RNF115: variants seen among roughly 807,000 people sequenced by gnomAD.
RNF115 encodes E3 ubiquitin-protein ligase RNF115.
RNF115 carries 31 observed loss-of-function variants against 39.2 expected under a neutral mutation model. That is an observed-to-expected ratio of 0.79 (90% confidence interval 0.59 to 1.07). The LOEUF is 1.07. Ranked by LOEUF, RNF115 falls within the 50% of genes least tolerant of loss-of-function variation. The probability of loss-of-function intolerance (pLI) is 0.00; values close to 1 mark genes in which losing one functional copy is unlikely to be tolerated. For missense variants in RNF115, 384 were observed against 381.7 expected (o/e 1.01, Z -0.05); for synonymous variants, 124 against 131.0 (o/e 0.95, Z 0.37).
rs1657883407 is a variant in RNF115 at position 145,746,448 on chromosome 1, T to C, written c.*418A>G. The stretch of plus-strand genomic sequence containing the variant: ...ACAATTAAGACAAAAGGACTTTATA[T>C]CAGCAGGACTTTAGGGCTGTGGTTC... On this transcript the variant is annotated 3_prime_UTR_variant, in exon 9 of 9. Coordinates refer to ENST00000582693, the MANE Select transcript of RNF115 (RefSeq NM_014455.4). 1 of 153,334 alleles carries C rather than the reference T, an allele frequency of 6.5e-6. No individual in the cohort carries two copies. Among genetic ancestry groups the C allele is most frequent in the Admixed American group, 6.6e-5 (1 of 15,260 alleles). The allele number at this position is 153,334 out of a possible 1,614,324, so 9.5% of individuals were successfully genotyped here. A position where few individuals can be genotyped will look rare whatever the true frequency, so the allele number is the denominator to read the frequency against.
In RNF115 at chr1:145,744,805, C is replaced by A. The variant is rs147881493; in HGVS notation, c.*2061G>T. 1.3e-5 allele frequency: 2 copies of A among 152,230 alleles called. No homozygotes were observed. Among genetic ancestry groups the A allele is most frequent in the African/African-American group, 4.8e-5 (2 of 41,516 alleles). 9.4% of individuals were successfully genotyped at this position (152,230 alleles called of 1,614,324 possible). ...GGTACACCAACAGTTGTTCTATGTC[C>A]CCATCATTTCCTTTTGAGACCTTGA... is the stretch of plus-strand genomic sequence containing the variant. On this transcript the variant is annotated 3_prime_UTR_variant, in exon 9 of 9. Transcript: ENST00000582693.
intron 4 of RNF115, among the ~76,000 whole-genome samples, chr1:145,764,105 T>G (rs1467145571): frequency 5.9e-5 from 9 of 152,178 alleles, no homozygotes; most frequent in Non-Finnish European, 1.2e-4. Context: ...TGGTGGAGAC[T>G]GGGTTTCGCT....
intron 1 of RNF115, among the ~76,000 whole-genome samples, chr1:145,794,239 A>T (rs1266040444): frequency 2.6e-5 from 4 of 152,236 alleles, no homozygotes; most frequent in African/African-American, 9.6e-5. Context: ...CATAAAACAG[A>T]CCATGTCATT....
chr1:145,814,590 A>G (rs1218164256), intron 1 of RNF115, among the ~76,000 whole-genome samples: 2 of 152,030 alleles, frequency 1.3e-5, no homozygotes, highest in African/African-American at 4.8e-5. Flanking sequence ...TTAAAAAAAA[A>G]AAAAAGAGGC....
chr1:145,748,062 T>C lies in RNF115; in HGVS notation c.716A>G (p.Glu239Gly), dbSNP rs782450240. Residue 239 changes from glutamate (E) to glycine (G), a missense_variant, in exon 8 of 9, where the codon GAG (glutamate) becomes GGG (glycine). Physicochemically the swap from Glu to Gly is moderately conservative, Grantham distance 98. Transcript: ENST00000582693. ...PVCKEDYTVE[E>G]EVRQLPCNHF... ...ATTGCAAGGTAACTGCCGGACTTCCTCTTCAACTGTGTAATCTTCTTTGCA... is the reference window on the plus strand; with the variant it reads ...ATTGCAAGGTAACTGCCGGACTTCCCCTTCAACTGTGTAATCTTCTTTGCA... 3 of 1,613,688 alleles carry C rather than the reference T, an allele frequency of 1.9e-6. No homozygotes were observed. The highest frequency in any genetic ancestry group is 2.5e-6 in the Non-Finnish European group (3 of 1,179,752).
intron 4 of RNF115, among the ~76,000 whole-genome samples, chr1:145,760,926 A>C (rs1658477821): frequency 6.6e-6 from 1 of 152,232 alleles, no homozygotes; most frequent in South Asian, 2.1e-4. Context: ...TGATATGGAC[A>C]ATAAGGTCCA....
intron 2 of RNF115, 34 bp downstream of exon 2, chr1:145,788,874 G>T: frequency 6.8e-7 from 1 of 1,469,616 alleles, no homozygotes; most frequent in Non-Finnish European, 9.5e-7. Context: ...TTTGATAATA[G>T]AATGTCTGAT....
chr1:145,763,694 C>A (rs188342938), intron 4 of RNF115, among the ~76,000 whole-genome samples: 4 of 151,816 alleles, frequency 2.6e-5, no homozygotes, highest in African/African-American at 9.7e-5. Context: ...GTGAGACTCC[C>A]TCTCAAAAAA....
At chr1:145,808,598 A>C (rs776220197) in intron 1 of RNF115, among the ~76,000 whole-genome samples, 8 of 152,202 alleles carry the variant, frequency 5.3e-5, no homozygotes, top group Non-Finnish European at 1.2e-4. Context: ...TAGCAGTGAA[A>C]ATTAATTTGC....
chr1:145,746,949 T>C lies in RNF115; in HGVS notation c.832A>G (p.Thr278Ala), dbSNP rs1553711822. 3 of 1,613,978 alleles carry C rather than the reference T, an allele frequency of 1.9e-6. No homozygotes were observed. Among genetic ancestry groups the C allele is most frequent in the East Asian group, 2.2e-5 (1 of 44,880 alleles). ...CRKSLNGEDS[T>A]RQSQSTEASA... is the part of the protein sequence containing the mutation. ...GCCTCAGTGCTCTGGCTTTGCCGAG[T>C]AGAGTCCTCACCATTTAAGCTCTTC... The change falls in exon 9 of 9, where the codon ACT becomes GCT. Residue 278 changes from threonine to alanine, a missense_variant. Thr to Ala is a moderately conservative substitution (Grantham distance 58). Coordinates refer to ENST00000582693, the MANE Select transcript of RNF115 (RefSeq NM_014455.4).
intron 2 of RNF115, among the ~76,000 whole-genome samples, chr1:145,788,171 T>C (rs587645436): frequency 2.1e-4 from 32 of 152,168 alleles, no homozygotes; most frequent in African/African-American, 7.0e-4. Context: ...AACCTCCACC[T>C]CCCGGTTTCA....
rs782256463 is a variant in RNF115 at position 145,823,848 on chromosome 1, G to C, written c.26C>G (p.Ala9Gly). 1 of 1,563,286 alleles carries C rather than the reference G, an allele frequency of 6.4e-7. No individual in the cohort carries two copies. Among genetic ancestry groups the C allele is most frequent in the South Asian group, 1.2e-5 (1 of 85,660 alleles). The change falls in exon 1 of 9, where the codon GCG (alanine) becomes GGG (glycine). Residue 9 changes from alanine (A) to glycine (G), a missense_variant. Physicochemically the swap from Ala to Gly is moderately conservative, Grantham distance 60. Transcript: ENST00000582693. ...GGCGGCTACAGCGGCGCCCGAGTCC[G>C]CCCCGGCCGCCGAAGCCTCCGCCAT... MAEASAAG[A>G]DSGAAVAAHR... is the part of the protein sequence containing the mutation.
Position 145,748,147 on chromosome 1 carries a change from C to A in RNF115, c.668-37G>T, listed in dbSNP as rs1380392540. 2.7e-6 allele frequency: 4 copies of A among 1,469,508 alleles called. No homozygotes were observed. In the African/African-American group the frequency reaches 5.6e-5, roughly 20 times the overall value. 91.0% of individuals were successfully genotyped at this position (1,469,508 alleles called of 1,614,324 possible). On this transcript the variant is annotated intron_variant, in intron 7 of 8. Coordinates refer to ENST00000582693, the MANE Select transcript of RNF115 (RefSeq NM_014455.4). The stretch of plus-strand genomic sequence containing the variant: ...GGAAATGCCTTTTAAAGTAAACAGG[C>A]AAAAGGAAAGAAGAAAAAACTAACC...
chr1:145,753,848 C>T (rs1181177984), intron 4 of RNF115, among the ~76,000 whole-genome samples: 1 of 152,140 alleles, frequency 6.6e-6, no homozygotes, highest in East Asian at 1.9e-4. Flanking sequence ...TCCCGAGTAG[C>T]TGGGATTATA....
Position 145,743,022 on chromosome 1 carries a change from T to C in RNF115, c.*3844A>G, listed in dbSNP as rs2101435802. On this transcript the variant is annotated 3_prime_UTR_variant, in exon 9 of 9. Coordinates refer to ENST00000582693, the MANE Select transcript of RNF115 (RefSeq NM_014455.4). ...TCATAGAGACACATTATTAACTTGG[T>C]GAAACTTAATTGGGATGAGGAGCAC... The C allele has an allele frequency of 6.6e-6, 1 of 152,300 alleles. No individual in the cohort carries two copies. The highest frequency in any genetic ancestry group is 2.4e-5 in the African/African-American group (1 of 41,554). 9.4% of individuals were successfully genotyped at this position (152,300 alleles called of 1,614,324 possible). A position where few individuals can be genotyped will look rare whatever the true frequency, so the allele number is the denominator to read the frequency against.
intron 1 of RNF115, among the ~76,000 whole-genome samples, chr1:145,820,307 A>G (rs1180413375): frequency 6.6e-6 from 1 of 151,978 alleles, no homozygotes; most frequent in African/African-American, 2.4e-5. Context: ...TCTACAAAAA[A>G]GAAAAAAAAA....
At chr1:145,796,132 T>C (rs1370460339) in intron 1 of RNF115, among the ~76,000 whole-genome samples, 2 of 152,216 alleles carry the variant, frequency 1.3e-5, no homozygotes, top group Non-Finnish European at 2.9e-5. Context: ...TAGATTTTCC[T>C]TATAAAGACT....
chr1:145,767,521 C>G (rs1647396093), intron 4 of RNF115, among the ~76,000 whole-genome samples: 1 of 150,574 alleles, frequency 6.6e-6, no homozygotes, highest in East Asian at 2.0e-4. Context: ...TCCTCACATC[C>G]CAGACGATGG....
intron 3 of RNF115, among the ~76,000 whole-genome samples, chr1:145,780,391 C>A (rs1219036550): frequency 6.6e-6 from 1 of 151,922 alleles, no homozygotes; most frequent in Non-Finnish European, 1.5e-5. Flanking sequence ...GAGACCAAGG[C>A]GGGCAGATCA....
Sources: gnomAD v4.1 joint callset for allele counts (sites outside exome capture counted in the v4.1 genomes callset) on GRCh38, gnomAD v4.1.1 for gene constraint, MANE v1.5 for transcripts, NCBI Gene and HGNC (gene_info 2026-07-23, HGNC 2026-07-21) for gene names.